MEI4: variants seen among roughly 807,000 people sequenced by gnomAD.
The protein encoded by MEI4 is meiosis-specific protein MEI4.
MEI4 carries 27 observed loss-of-function variants against 31.4 expected under a neutral mutation model. The observed-to-expected ratio is 0.86, with a 90% CI of 0.63 to 1.19. The LOEUF is 1.19. Among genes scored for constraint, MEI4 ranks in the 50% most tolerant of loss-of-function variants. MEI4 has a pLI of 0.00. For missense variants in MEI4, 329 were observed against 398.9 expected, an observed-to-expected ratio of 0.82 and a Z score of 1.49; for synonymous variants, 122 against 145.4, an observed-to-expected ratio of 0.84 and a Z score of 1.16.
At chr6:77,790,829 T>C (rs981764081) in intron 3 of MEI4, among the ~76,000 whole-genome samples, 1 of 151,906 alleles carries the variant, frequency 6.6e-6, no homozygotes, top group Non-Finnish European at 1.5e-5. Flanking sequence ...TCAAACAAAT[T>C]TACAAGAAAA....
chr6:77,677,037 G>A (rs1026698701), intron 1 of MEI4, among the ~76,000 whole-genome samples: 18 of 152,158 alleles, frequency 1.2e-4, no homozygotes, highest in African/African-American at 4.3e-4. Context: ...ATGGTCTATA[G>A]AGAGGCAAAT....
intron 4 of MEI4, among the ~76,000 whole-genome samples, chr6:77,917,039 C>G (rs552257277): frequency 6.7e-6 from 1 of 150,134 alleles, no homozygotes; most frequent in Non-Finnish European, 1.5e-5. Context: ...TTTGTTCTTG[C>G]GATAGTTTAC....
chr6:77,654,135 G>T (rs1005245886), intron 1 of MEI4, among the ~76,000 whole-genome samples: 1 of 152,152 alleles, frequency 6.6e-6, no homozygotes, highest in African/African-American at 2.4e-5. Flanking sequence ...ATAGAAGCAG[G>T]CCAGCCAGAT....
intron 2 of MEI4, among the ~76,000 whole-genome samples, chr6:77,708,706 G>A (rs978303474): frequency 6.6e-6 from 1 of 152,130 alleles, no homozygotes; most frequent in African/African-American, 2.4e-5. Context: ...TCTCAGTAAA[G>A]AATGAGTGGT....
chr6:77,889,023 T>C (rs1464798109), intron 4 of MEI4, among the ~76,000 whole-genome samples: 1 of 152,190 alleles, frequency 6.6e-6, no homozygotes, highest in Non-Finnish European at 1.5e-5. Context: ...TCCTCAGCCC[T>C]GTAGAACTGT....
intron 4 of MEI4, among the ~76,000 whole-genome samples, chr6:77,855,190 C>G (rs755490154): frequency 6.6e-6 from 1 of 151,886 alleles, no homozygotes; most frequent in African/African-American, 2.4e-5. Flanking sequence ...TAAAAAAATA[C>G]AAAAATTAGC....
intron 4 of MEI4, among the ~76,000 whole-genome samples, chr6:77,914,180 C>A (rs564432752): frequency 6.6e-6 from 1 of 151,078 alleles, no homozygotes; most frequent in Non-Finnish European, 1.5e-5. Context: ...GTTTATTGAG[C>A]TATATCATTA....
chr6:77,716,738 G>A (rs1766589637), intron 2 of MEI4: 1 of 231,794 alleles, frequency 4.3e-6, no homozygotes, highest in South Asian at 1.6e-4. Context: ...TGAAGAGAAT[G>A]TATATTTTTA....
chr6:77,744,511 A>T (rs2127674327), intron 2 of MEI4, among the ~76,000 whole-genome samples: 1 of 152,190 alleles, frequency 6.6e-6, no homozygotes, highest in East Asian at 1.9e-4. Flanking sequence ...CCTGAAAGTG[A>T]TGGGGAGAAT....
At chr6:77,904,079 T>C (rs990914162) in intron 4 of MEI4, among the ~76,000 whole-genome samples, 1 of 152,148 alleles carries the variant, frequency 6.6e-6, no homozygotes, top group Non-Finnish European at 1.5e-5. Context: ...AAGAACTTAG[T>C]ACTGTGGTTT....
chr6:77,743,405 T>A (rs12663019), intron 2 of MEI4, among the ~76,000 whole-genome samples: 13,983 of 152,210 alleles, frequency 0.092, 923 homozygotes, highest in East Asian at 0.31. Context: ...AGTTCACTCA[T>A]AATTTGGCTC....
intron 3 of MEI4, among the ~76,000 whole-genome samples, chr6:77,784,130 G>T (rs748471367): frequency 2.0e-5 from 3 of 152,022 alleles, no homozygotes; most frequent in Non-Finnish European, 2.9e-5. Context: ...GAATCTCTGG[G>T]AATGTGAAGT....
chr6:77,674,357 G>T (rs1408882607), intron 1 of MEI4, among the ~76,000 whole-genome samples: 1 of 152,134 alleles, frequency 6.6e-6, no homozygotes, highest in Non-Finnish European at 1.5e-5. Flanking sequence ...ACAGTGGTCT[G>T]CATATACTAT....
At chr6:77,868,675 TAAAGG>T (rs996097122) in intron 4 of MEI4, among the ~76,000 whole-genome samples, 1 of 151,156 alleles carries the variant, frequency 6.6e-6, no homozygotes, top group African/African-American at 2.4e-5. Flanking sequence ...TGATCAAAAA[TAAAGG>T]AAGGTAAGAA....
chr6:77,827,491 CT>C (rs1219172661), intron 3 of MEI4, among the ~76,000 whole-genome samples: 1 of 150,988 alleles, frequency 6.6e-6, no homozygotes, highest in Non-Finnish European at 1.5e-5. Flanking sequence ...GTACCTACTT[CT>C]TTTCCTTGGT....
intron 3 of MEI4, among the ~76,000 whole-genome samples, chr6:77,809,527 A>G (rs1769521303): frequency 6.6e-6 from 1 of 152,182 alleles, no homozygotes; most frequent in South Asian, 2.1e-4. Flanking sequence ...GAATTCTTTC[A>G]CTTCTGTTCA....
At chr6:77,919,926 A>C (rs1457735159) in intron 4 of MEI4, among the ~76,000 whole-genome samples, 1 of 148,960 alleles carries the variant, frequency 6.7e-6, no homozygotes, top group Admixed American at 6.8e-5. Flanking sequence ...CTCGACACAT[A>C]CACTCTCCCA....
chr6:77,863,197 G>T (rs989878195), intron 4 of MEI4, among the ~76,000 whole-genome samples: 3 of 152,160 alleles, frequency 2.0e-5, no homozygotes, highest in Non-Finnish European at 4.4e-5. Flanking sequence ...CCAAAGCAAC[G>T]CAGCTCCTCA....
intron 2 of MEI4, among the ~76,000 whole-genome samples, chr6:77,696,617 A>C (rs558683391): frequency 2.3e-4 from 35 of 151,608 alleles, no homozygotes; most frequent in South Asian, 2.1e-3. Flanking sequence ...GATGAAGCCC[A>C]CTTGATCATG....
Sources: allele counts gnomAD v4.1 joint callset (sites outside exome capture counted in the v4.1 genomes callset), GRCh38; gene constraint gnomAD v4.1.1; transcripts MANE v1.5; gene names NCBI Gene and HGNC (gene_info 2026-07-23, HGNC 2026-07-21).